The following QTRT1 variants were observed in gnomAD, a reference collection of about 807,000 sequenced individuals.
QTRT1 encodes TGT, 43-KD subunit.
Under a neutral mutation model 44.0 loss-of-function variants are expected in QTRT1, and 41 were observed. The observed-to-expected ratio is 0.93, with a 90% confidence interval of 0.73 to 1.21. The LOEUF (loss-of-function observed/expected upper bound fraction) is 1.21. QTRT1 is among the 50% of genes most tolerant of loss of function. The pLI, the probability that QTRT1 is intolerant of heterozygous loss-of-function variation, is 0.00. For missense variants in QTRT1, 542 were observed against 575.8 expected (o/e 0.94, Z 0.60); for synonymous variants, 226 against 237.1 (o/e 0.95, Z 0.43).
At position 10,707,293 on chromosome 19, in the gene QTRT1, C is replaced by T. The variant is rs1011785856; in HGVS notation, c.452-9C>T. ...TTTCCCAGTGATGTTGCCCCCATCTCACCATCAGGCTCGGACATCATCATG... is the reference window on the plus strand; with the variant it reads ...TTTCCCAGTGATGTTGCCCCCATCTTACCATCAGGCTCGGACATCATCATG... On this transcript the variant is annotated splice_polypyrimidine_tract_variant and intron_variant, in intron 3 of 9. Coordinates refer to ENST00000250237, the MANE Select transcript of QTRT1 (RefSeq NM_031209.3). 6.2e-6 allele frequency: 10 copies of T among 1,614,134 alleles called. No homozygotes were observed. Among genetic ancestry groups the T allele is most frequent in the Admixed American group, 3.3e-5 (2 of 60,018 alleles).
At position 10,712,577 on chromosome 19, in the gene QTRT1, C is replaced by CGTG; in HGVS notation, c.812_814dup (p.Val271dup). ...GCTATGCCACTGATCTGGTAGTCTG[C>CGTG]GTGGCTCTTGGATGTGACATGTTCG... On this transcript the variant is annotated inframe_insertion, in exon 7 of 10. Coordinates refer to ENST00000250237, the MANE Select transcript of QTRT1 (RefSeq NM_031209.3). The surrounding 1 kb of genome is among the most constrained non-coding windows in gnomAD (Gnocchi z 5.6). The CGTG allele has an allele frequency of 6.2e-7, 1 of 1,613,556 alleles. No individual in the cohort carries two copies. The highest frequency in any genetic ancestry group is 1.1e-5 in the South Asian group (1 of 91,078).
chr19:10,708,560 C>T (rs577908035), intron 5 of QTRT1, among the ~76,000 whole-genome samples: 46 of 152,242 alleles, frequency 3.0e-4, no homozygotes, highest in South Asian at 6.2e-4. Flanking sequence ...TGGGGTGCTT[C>T]TCAAAGTGCT....
At chr19:10,706,686 CT>C (rs55863409) in intron 3 of QTRT1, 99,327 of 131,340 alleles carry the variant, frequency 0.76, 37,789 homozygotes, top group African/African-American at 0.9. Flanking sequence ...TTTTTTTAAC[CT>C]TTTTTTTTTT....
rs753647240 is a variant in QTRT1 at position 10,701,512 on chromosome 19, C to T, written c.52C>T (p.Arg18Trp). Residue 18 changes from arginine to tryptophan, a missense_variant, in exon 1 of 10, where the codon CGG (arginine) becomes TGG (tryptophan). By Grantham distance (101) the Arg-to-Trp change is moderately radical (BLOSUM62 -3). Transcript: ENST00000250237. ...CCTGGAGTCGGCCCCACGGATCATG[C>T]GGCTGGTGGCCGAATGCAGCCGCTC... is the stretch of plus-strand genomic sequence containing the variant. ...ASLESAPRIM[R>W]LVAECSRSRA... is the part of the protein sequence containing the mutation. 5 of 1,590,150 alleles carry T rather than the reference C, an allele frequency of 3.1e-6. No homozygotes were observed. Among genetic ancestry groups the T allele is most frequent in the African/African-American group, 1.3e-5 (1 of 74,676 alleles).
At chr19:10,711,781 T>G in intron 5 of QTRT1, 3 of 303,598 alleles carry the variant, frequency 9.9e-6, no homozygotes, top group East Asian at 8.9e-5. Flanking sequence ...TTACTCAGCA[T>G]GTGGGATGTT....
chr19:10,707,633 C>G lies in QTRT1; in HGVS notation c.646+18C>G. 6.4e-7 allele frequency: 1 copy of G among 1,563,114 alleles called. No individual in the cohort carries two copies. Among genetic ancestry groups the G allele is most frequent in the Non-Finnish European group, 8.7e-7 (1 of 1,148,086 alleles). The stretch of plus-strand genomic sequence containing the variant: ...CCTTGAAGGTAGAGCCATGCGCTGG[C>G]AGGCCCAGGGCTTGGCCATCGCGGA... On this transcript the variant is annotated intron_variant, in intron 5 of 9. Coordinates refer to ENST00000250237, the MANE Select transcript of QTRT1 (RefSeq NM_031209.3).
chr19:10,701,986 G>A lies in QTRT1; in HGVS notation c.280G>A (p.Gly94Ser), dbSNP rs748119986. ...GATCCAGAAAGCCAACGGTCTCCAC[G>A]GCTTCATGAATTGGCCTCATAATCT... is the stretch of plus-strand genomic sequence containing the variant. ...ELIQKANGLH[G>S]FMNWPHNLLT... Residue 94 changes from glycine (G) to serine (S), a missense_variant, in exon 2 of 10, where the codon GGC becomes AGC. Physicochemically the swap from Gly to Ser is moderately conservative, Grantham distance 56. Coordinates refer to ENST00000250237, the MANE Select transcript of QTRT1 (RefSeq NM_031209.3). 6.2e-7 allele frequency: 1 copy of A among 1,614,186 alleles called. No homozygotes were observed. The highest frequency in any genetic ancestry group is 1.1e-5 in the South Asian group (1 of 91,088).
intron 2 of QTRT1, 24 bp from the exon 3 acceptor site, chr19:10,702,092 G>C: frequency 1.2e-6 from 2 of 1,614,142 alleles, no homozygotes; most frequent in Non-Finnish European, 1.7e-6. Context: ...CCCCCTGACA[G>C]CTTTGCGGTG....
At chr19:10,701,909 C>T (rs1599392182) in intron 1 of QTRT1, 41 bp from the exon 2 acceptor site, 1 of 1,608,944 alleles carries the variant, frequency 6.2e-7, no homozygotes, top group Non-Finnish European at 8.5e-7. Flanking sequence ...CCCCCAGGGA[C>T]GCGGTCACCC....
intron 3 of QTRT1, among the ~76,000 whole-genome samples, chr19:10,705,264 A>T: frequency 6.9e-6 from 1 of 145,332 alleles, no homozygotes; most frequent in African/African-American, 2.6e-5. Context: ...TTTGAGAAGG[A>T]GTCTCACTCT....
In QTRT1 at chr19:10,701,541, G is replaced by A. The variant is rs747798898; in HGVS notation, c.81G>A (p.Arg27=). 18 of 1,602,492 alleles carry A rather than the reference G, an allele frequency of 1.1e-5. No individual in the cohort carries two copies. The highest frequency in any genetic ancestry group is 1.4e-5 in the Non-Finnish European group (17 of 1,173,936). ...TGGTGGCCGAATGCAGCCGCTCCAG[G>A]GCCCGGGCAGGCGAGCTGTGGCTGC... ...MRLVAECSRS[R]ARAGELWLPH... is the part of the protein sequence containing the mutation. Residue 27 remains arginine (R), a synonymous_variant, in exon 1 of 10, where the codon AGG becomes AGA. Coordinates refer to ENST00000250237, the MANE Select transcript of QTRT1 (RefSeq NM_031209.3).
Position 10,712,706 on chromosome 19 carries a change from G to A in QTRT1, c.862-52G>A. The A allele has an allele frequency of 3.3e-6, 2 of 600,120 alleles. No individual in the cohort carries two copies. The highest frequency in any genetic ancestry group is 3.1e-4 in the Middle Eastern group (1 of 3,218). 37.2% of individuals were successfully genotyped at this position (600,120 alleles called of 1,614,324 possible). A position where few individuals can be genotyped will look rare whatever the true frequency, so the allele number is the denominator to read the frequency against. On this transcript the variant is annotated intron_variant, in intron 7 of 9. Coordinates refer to ENST00000250237, the MANE Select transcript of QTRT1 (RefSeq NM_031209.3). This position sits in a 1 kb window ranked among gnomAD's most constrained non-coding sequence, Gnocchi z 5.6. ...AGGCAAGGTTAGGGGTGGGGGGTGG[G>A]GAGAATGAAGCCCTGGGTGACGCCC...
intron 5 of QTRT1, among the ~76,000 whole-genome samples, chr19:10,710,288 T>TA (rs2068732528): frequency 6.6e-6 from 1 of 152,182 alleles, no homozygotes; most frequent in African/African-American, 2.4e-5. Flanking sequence ...TCCCAGTTGT[T>TA]ACAAGTATTC....
chr19:10,701,747 G>T (rs773075790), intron 1 of QTRT1, 44 bp downstream of exon 1: 1 of 1,557,942 alleles, frequency 6.4e-7, no homozygotes, highest in South Asian at 1.2e-5. Context: ...AGGCGGCGAG[G>T]CGTGGGGAGC....
chr19:10,710,735 A>C (rs914038031), intron 5 of QTRT1, among the ~76,000 whole-genome samples: 2 of 151,992 alleles, frequency 1.3e-5, no homozygotes, highest in Non-Finnish European at 2.9e-5. Context: ...CAGCCTGCCC[A>C]ACATGGCGGA....
At chr19:10,704,678 C>T (rs910533921) in intron 3 of QTRT1, among the ~76,000 whole-genome samples, 5 of 152,042 alleles carry the variant, frequency 3.3e-5, no homozygotes, top group African/African-American at 1.2e-4. Context: ...ACCTCTGCCT[C>T]CTGGGTTCAA....
At chr19:10,710,523 G>A (rs990185943) in intron 5 of QTRT1, among the ~76,000 whole-genome samples, 1 of 152,024 alleles carries the variant, frequency 6.6e-6, no homozygotes, top group African/African-American at 2.4e-5. Context: ...CACCATGTTG[G>A]CCAGGCTGGT....
rs1350034287 is a variant in QTRT1, at chr19:10,701,646, G to A, written c.186G>A (p.Leu62=). 3.8e-6 allele frequency: 6 copies of A among 1,597,498 alleles called. No homozygotes were observed. Among genetic ancestry groups the A allele is most frequent in the Non-Finnish European group, 5.1e-6 (6 of 1,173,222 alleles). ...ATMKGITTEQ[L]DALGCRICLG... ...TGAAGGGCATCACGACCGAACAGCT[G>A]GACGCTCTGGGTTGCCGCATCTGCC... The change falls in exon 1 of 10, where the codon CTG becomes CTA. Residue 62 remains leucine (L), a synonymous_variant. Coordinates refer to ENST00000250237, the MANE Select transcript of QTRT1 (RefSeq NM_031209.3).
Position 10,712,063 on chromosome 19 carries a change from C to A in QTRT1, c.647-98C>A. 4.0e-6 allele frequency: 6 copies of A among 1,489,200 alleles called. No individual in the cohort carries two copies. The highest frequency in any genetic ancestry group is 5.6e-6 in the Non-Finnish European group (6 of 1,080,266). 92.2% of individuals were successfully genotyped at this position (1,489,200 alleles called of 1,614,324 possible). The stretch of plus-strand genomic sequence containing the variant: ...TCTCTGTCTGTTTCTCTGACTCTCT[C>A]CCTGAGCGACTCTGGAAGTCTGGGC... On this transcript the variant is annotated intron_variant, in intron 5 of 9. Transcript: ENST00000250237. The surrounding 1 kb of genome is among the most constrained non-coding windows in gnomAD (Gnocchi z 5.6).
Sources: gnomAD v4.1 joint callset for allele counts (sites outside exome capture counted in the v4.1 genomes callset) on GRCh38, gnomAD v4.1.1 for gene constraint, Gnocchi (gnomAD v3.1) non-coding constraint, MANE v1.5 for transcripts, NCBI Gene and HGNC (gene_info 2026-07-23, HGNC 2026-07-21) for gene names.